The following SCHIP1 variants were observed in gnomAD, a reference collection of about 807,000 sequenced individuals.
The protein encoded by SCHIP1 is schwannomin interacting protein 1.
In SCHIP1, 8 loss-of-function variants were observed where a neutral mutation model predicts 29.7. The observed-to-expected ratio is 0.27, with a 90% CI of 0.16 to 0.49. The LOEUF is 0.49. Among genes scored for constraint, SCHIP1 ranks in the 20% least tolerant of loss-of-function variants. SCHIP1 has a pLI of 0.99. For synonymous variants in SCHIP1, 76 were observed against 94.9 expected (o/e 0.80, Z 1.16); for missense variants, 193 against 294.6 (o/e 0.66, Z 2.52).
At chr3:159,350,700 C>T in the SCHIP1 span, among the ~76,000 whole-genome samples, 56,154 of 151,838 alleles carry the variant, frequency 0.37, 11,480 homozygotes, top group East Asian at 0.47. Flanking sequence ...AAAATGGTTA[C>T]TATAGAGGAA....
chr3:159,700,613 A>G, the SCHIP1 span, among the ~76,000 whole-genome samples: 1 of 152,128 alleles, frequency 6.6e-6, no homozygotes, highest in Non-Finnish European at 1.5e-5. Flanking sequence ...TAAGGTCAGG[A>G]GTTCGAGACC....
the SCHIP1 span, among the ~76,000 whole-genome samples, chr3:159,447,712 T>C: frequency 1.3e-5 from 2 of 152,230 alleles, no homozygotes; most frequent in Non-Finnish European, 2.9e-5. Context: ...CTCAATATGA[T>C]GGTTACAACA....
the SCHIP1 span, among the ~76,000 whole-genome samples, chr3:159,709,810 A>C: frequency 1.3e-5 from 2 of 152,352 alleles, no homozygotes; most frequent in South Asian, 4.1e-4. Flanking sequence ...GAGCAGGGGA[A>C]GTGAAGGCAG....
chr3:159,596,119 C>T, the SCHIP1 span, among the ~76,000 whole-genome samples: 2 of 152,086 alleles, frequency 1.3e-5, no homozygotes, highest in East Asian at 1.9e-4. Context: ...TCAAACAACC[C>T]CATCCAAAAG....
the SCHIP1 span, among the ~76,000 whole-genome samples, chr3:159,662,205 C>T: frequency 9.8e-5 from 15 of 152,290 alleles, no homozygotes; most frequent in African/African-American, 3.4e-4. Flanking sequence ...TTAGACTATG[C>T]AGTCCAACCC....
At chr3:159,334,856 G>A in the SCHIP1 span, among the ~76,000 whole-genome samples, 1 of 151,268 alleles carries the variant, frequency 6.6e-6, no homozygotes, top group African/African-American at 2.4e-5. Flanking sequence ...TCATGTACAG[G>A]TTTTTATGTA....
At chr3:159,751,546 T>C in the SCHIP1 span, among the ~76,000 whole-genome samples, 1 of 126,236 alleles carries the variant, frequency 7.9e-6, no homozygotes, top group Non-Finnish European at 1.6e-5. Context: ...TGAACAATTA[T>C]TTCTTTTTTT....
chr3:159,681,950 GTTAAC>G, the SCHIP1 span, among the ~76,000 whole-genome samples: 3 of 151,994 alleles, frequency 2.0e-5, no homozygotes, highest in South Asian at 2.1e-4. Context: ...TTAACTCAAT[GTTAAC>G]TTAGGTTAGC....
chr3:159,655,444 C>A, the SCHIP1 span, among the ~76,000 whole-genome samples: 4 of 152,094 alleles, frequency 2.6e-5, no homozygotes, highest in African/African-American at 9.7e-5. Context: ...TAAGAACTAA[C>A]AAGGGGCCAG....
chr3:159,771,797 A>C, the SCHIP1 span, among the ~76,000 whole-genome samples: 28 of 152,186 alleles, frequency 1.8e-4, no homozygotes, highest in South Asian at 4.2e-3. Flanking sequence ...TGTATATACA[A>C]TTAAGTTATT....
At chr3:159,654,897 C>G in the SCHIP1 span, among the ~76,000 whole-genome samples, 1 of 151,092 alleles carries the variant, frequency 6.6e-6, no homozygotes, top group Non-Finnish European at 1.5e-5. Context: ...AGCTGGTTGA[C>G]AGTAAGCAGT....
the SCHIP1 span, among the ~76,000 whole-genome samples, chr3:159,465,409 C>A: frequency 6.6e-6 from 1 of 151,340 alleles, no homozygotes; most frequent in Non-Finnish European, 1.5e-5. Flanking sequence ...TTATTTTAAT[C>A]TACAGTTAGA....
the SCHIP1 span, among the ~76,000 whole-genome samples, chr3:159,670,289 T>C: frequency 6.6e-6 from 1 of 152,232 alleles, no homozygotes; most frequent in Non-Finnish European, 1.5e-5. Flanking sequence ...CTCACTAATG[T>C]TCACTGTCAA....
At chr3:159,778,149 A>G in the SCHIP1 span, among the ~76,000 whole-genome samples, 1 of 152,212 alleles carries the variant, frequency 6.6e-6, no homozygotes, top group East Asian at 1.9e-4. Flanking sequence ...GCCTGCCAGC[A>G]CGCCCAGCTA....
the SCHIP1 span, among the ~76,000 whole-genome samples, chr3:159,608,053 A>G: frequency 2.0e-5 from 3 of 152,172 alleles, no homozygotes. Context: ...CTATTGGGGA[A>G]GCCATTGGGC....
At chr3:159,507,795 C>A in the SCHIP1 span, among the ~76,000 whole-genome samples, 5 of 152,176 alleles carry the variant, frequency 3.3e-5, no homozygotes, top group Non-Finnish European at 5.9e-5. Context: ...GTTGAACCAG[C>A]CTTGCATCCC....
At chr3:159,731,362 A>C in the SCHIP1 span, among the ~76,000 whole-genome samples, 1 of 152,236 alleles carries the variant, frequency 6.6e-6, no homozygotes, top group Non-Finnish European at 1.5e-5. Flanking sequence ...TTGCTAAAGC[A>C]CATCCTCGTC....
chr3:159,282,603 G>C, the SCHIP1 span: 1 of 150,110 alleles, frequency 6.7e-6, no homozygotes, highest in Non-Finnish European at 1.5e-5. Context: ...ATGGCATAAT[G>C]AGAAATAATA....
At chr3:159,598,148 G>A in the SCHIP1 span, among the ~76,000 whole-genome samples, 2 of 152,190 alleles carry the variant, frequency 1.3e-5, no homozygotes, top group African/African-American at 4.8e-5. Context: ...TACAATTTAA[G>A]ATGAGATTTG....
Sources: gnomAD v4.1 joint callset for allele counts (sites outside exome capture counted in the v4.1 genomes callset) on GRCh38, gnomAD v4.1.1 for gene constraint, MANE v1.5 for transcripts, NCBI Gene and HGNC (gene_info 2026-07-23, HGNC 2026-07-21) for gene names.